The following XIRP2 variants were observed in gnomAD, a reference collection of about 807,000 sequenced individuals.
The protein encoded by XIRP2 is xin actin binding repeat containing 2.
XIRP2 carries 236 observed loss-of-function variants against 277.0 expected under a neutral mutation model. The ratio of observed to expected loss-of-function variants is 0.85; its 90% confidence interval spans 0.77 to 0.95. The LOEUF (loss-of-function observed/expected upper bound fraction) is 0.95, where lower values mean the gene tolerates loss of function less well. XIRP2 is among the 40% of genes least tolerant of loss of function. The pLI, the probability that XIRP2 is intolerant of heterozygous loss-of-function variation, is 0.00. For missense variants in XIRP2, 4,640 were observed against 4,157.5 expected, an observed-to-expected ratio of 1.12 and a Z score of -3.19; for synonymous variants, 1,490 against 1,416.5, an observed-to-expected ratio of 1.05 and a Z score of -1.17.
intron 2 of XIRP2, among the ~76,000 whole-genome samples, chr2:167,115,704 C>A (rs546304627): frequency 6.6e-6 from 1 of 152,198 alleles, no homozygotes; most frequent in East Asian, 1.9e-4. Context: ...CAGGTAGGGA[C>A]CACAGTTGGC....
chr2:166,938,306 G>A (rs894220271), intron 2 of XIRP2, among the ~76,000 whole-genome samples: 8 of 152,038 alleles, frequency 5.3e-5, no homozygotes, highest in Non-Finnish European at 8.8e-5. Flanking sequence ...CTTTGTTCTT[G>A]TTGGTTTCAA....
chr2:166,962,779 T>G (rs909759555), intron 2 of XIRP2, among the ~76,000 whole-genome samples: 40 of 151,778 alleles, frequency 2.6e-4, no homozygotes, highest in African/African-American at 9.4e-4. Flanking sequence ...CTCAAGCATT[T>G]TATCAGGAAT....
chr2:167,135,414 CTG>C (rs1691515298), intron 2 of XIRP2, among the ~76,000 whole-genome samples: 1 of 152,006 alleles, frequency 6.6e-6, no homozygotes, highest in African/African-American at 2.4e-5. Context: ...AATCGAAAAA[CTG>C]TATTCAATGT....
chr2:167,096,995 G>A (rs1170906939), intron 2 of XIRP2, among the ~76,000 whole-genome samples: 4 of 152,190 alleles, frequency 2.6e-5, no homozygotes, highest in African/African-American at 9.6e-5. Context: ...TAAGTGTGAT[G>A]TGGTGCCAAG....
intron 1 of XIRP2, among the ~76,000 whole-genome samples, chr2:166,900,201 G>T (rs1036580057): frequency 6.6e-6 from 1 of 151,676 alleles, no homozygotes; most frequent in Non-Finnish European, 1.5e-5. Context: ...GTTCAGATTT[G>T]ATACTTTCTA....
chr2:167,014,592 T>C (rs1687771437), intron 2 of XIRP2, among the ~76,000 whole-genome samples: 1 of 151,414 alleles, frequency 6.6e-6, no homozygotes, highest in South Asian at 2.1e-4. Context: ...AGATGAAACA[T>C]AGAGCAACCC....
intron 2 of XIRP2, among the ~76,000 whole-genome samples, chr2:167,121,178 T>G (rs1691046651): frequency 6.6e-6 from 1 of 152,206 alleles, no homozygotes; most frequent in Non-Finnish European, 1.5e-5. Flanking sequence ...CATAACTATG[T>G]GGATATCCTA....
chr2:167,121,447 C>T (rs962045217), intron 2 of XIRP2, among the ~76,000 whole-genome samples: 3 of 152,126 alleles, frequency 2.0e-5, no homozygotes, highest in Non-Finnish European at 4.4e-5. Flanking sequence ...ACTTTGCATG[C>T]TAACACCTAA....
At chr2:167,224,187 A>G (rs1442815286) in intron 5 of XIRP2, among the ~76,000 whole-genome samples, 5 of 152,020 alleles carry the variant, frequency 3.3e-5, no homozygotes, top group Admixed American at 3.3e-4. Context: ...CCTCATGACT[A>G]ACTACCTCTT....
chr2:166,915,373 A>G (rs1006310555), intron 2 of XIRP2, among the ~76,000 whole-genome samples: 1 of 152,020 alleles, frequency 6.6e-6, no homozygotes, highest in African/African-American at 2.4e-5. Context: ...CATGTGGGAT[A>G]CACTTGCTTC....
At chr2:167,118,410 A>T (rs1462566345) in intron 2 of XIRP2, among the ~76,000 whole-genome samples, 3 of 151,762 alleles carry the variant, frequency 2.0e-5, no homozygotes, top group African/African-American at 7.3e-5. Context: ...TGAACCAGGG[A>T]GCTGGAGGTT....
intron 2 of XIRP2, among the ~76,000 whole-genome samples, chr2:167,116,598 T>G (rs1690902550): frequency 6.6e-6 from 1 of 152,242 alleles, no homozygotes; most frequent in Non-Finnish European, 1.5e-5. Context: ...CCTTACTCTT[T>G]CATTGGTGTG....
In XIRP2 at chr2:167,248,071, GTC is replaced by G. The variant is rs1358457930; in HGVS notation, c.6683_6684del (p.Ser2228Ter). 6.2e-7 allele frequency: 1 copy of G among 1,613,464 alleles called. No homozygotes were observed. Among genetic ancestry groups the G allele is most frequent in the Non-Finnish European group, 8.5e-7 (1 of 1,179,726 alleles). On this transcript the variant is annotated frameshift_variant, in exon 9 of 11. Transcript: ENST00000409195. LOFTEE classifies it high-confidence loss of function. ...QDTSNVTEMK[V>X]SEKSHNTFKA... ...CACATCCAATGTAACAGAAATGAAAGTCTCTGAAAAAAGTCACAATACATTTA... is the reference window on the plus strand; with the variant it reads ...CACATCCAATGTAACAGAAATGAAAGTCTGAAAAAAGTCACAATACATTTA...
intron 2 of XIRP2, among the ~76,000 whole-genome samples, chr2:167,036,337 G>T (rs548874316): frequency 6.6e-6 from 1 of 152,026 alleles, no homozygotes; most frequent in Non-Finnish European, 1.5e-5. Context: ...CCCTGCAAAA[G>T]CACAGGGATA....
chr2:167,194,626 T>C (rs2105370176), intron 3 of XIRP2, among the ~76,000 whole-genome samples: 1 of 152,178 alleles, frequency 6.6e-6, no homozygotes, highest in South Asian at 2.1e-4. Context: ...CACGTAACAC[T>C]TTACGGGAAA....
At chr2:166,935,796 T>C (rs1391067535) in intron 2 of XIRP2, among the ~76,000 whole-genome samples, 1 of 152,260 alleles carries the variant, frequency 6.6e-6, no homozygotes. Flanking sequence ...CCACATTTTA[T>C]TAATCCAGTA....
intron 3 of XIRP2, among the ~76,000 whole-genome samples, chr2:167,157,155 AAC>A (rs147685018): frequency 0.099 from 15,022 of 152,160 alleles, 790 homozygotes; most frequent in South Asian, 0.15. Context: ...ATAGACACTC[AAC>A]ACAGTTTATG....
Position 167,247,458 on chromosome 2 carries a change from C to T in XIRP2, c.6066C>T (p.Pro2022=). 3 of 1,613,652 alleles carry T rather than the reference C, an allele frequency of 1.9e-6. No individual in the cohort carries two copies. Among genetic ancestry groups the T allele is most frequent in the Admixed American group, 1.7e-5 (1 of 59,960 alleles). ...CTGAGGTTAATCTTCCAAAAGCCCC[C>T]AAAGGCACTGTAAAGATTGTCATAG... ...ERTEVNLPKA[P]KGTVKIVIDR... The change falls in exon 9 of 11, where the codon CCC becomes CCT. Residue 2022 remains proline, a synonymous_variant. Coordinates refer to ENST00000409195, the MANE Select transcript of XIRP2 (RefSeq NM_152381.6).
At chr2:167,005,349 G>T (rs117394008) in intron 2 of XIRP2, among the ~76,000 whole-genome samples, 1 of 151,972 alleles carries the variant, frequency 6.6e-6, no homozygotes, top group East Asian at 1.9e-4. Flanking sequence ...AGTCACTGCA[G>T]GTGGTGAATC....
Sources: allele counts gnomAD v4.1 joint callset (sites outside exome capture counted in the v4.1 genomes callset), GRCh38; gene constraint gnomAD v4.1.1; transcripts MANE v1.5; gene names NCBI Gene and HGNC (gene_info 2026-07-23, HGNC 2026-07-21).